Variants in COX7B2 observed in about 807,000 individuals in gnomAD.
COX7B2 encodes cytochrome c oxidase subunit 7B2.
For missense variants in COX7B2, 109 were observed against 95.9 expected (o/e 1.14, Z -0.57); for synonymous variants, 37 against 32.1 (o/e 1.15, Z -0.51).
Position 46,774,818 on chromosome 4 carries a change from G to A in COX7B2, c.-49-39577C>T, listed in dbSNP as rs376892811. ...GAATAACTGATCCTAGGGCTGATCT[G>A]GAATCCAAAAGGCAAACAATGTAAA... On this transcript the variant is annotated intron_variant, in intron 2 of 2. Transcript: ENST00000355591. Among the ~76,000 whole-genome samples the A allele has an allele frequency of 5.3e-5, 8 of 151,924 alleles. No homozygotes were observed. In the South Asian group the frequency reaches 1.2e-3, roughly 24 times the overall value.
chr4:46,833,729 G>GA (rs1715322670), intron 2 of COX7B2, among the ~76,000 whole-genome samples: 1 of 152,088 alleles, frequency 6.6e-6, no homozygotes, highest in African/African-American at 2.4e-5. Flanking sequence ...GAAACCATAT[G>GA]AAAAAGGATG....
chr4:46,878,073 G>A (rs1718456985), intron 1 of COX7B2, among the ~76,000 whole-genome samples: 1 of 151,196 alleles, frequency 6.6e-6, no homozygotes, highest in Non-Finnish European at 1.5e-5. Context: ...AAAAAAAAAG[G>A]TAATAACTGC....
intron 1 of COX7B2, among the ~76,000 whole-genome samples, chr4:46,879,036 C>T (rs190695494): frequency 2.6e-5 from 4 of 152,340 alleles, no homozygotes; most frequent in East Asian, 1.9e-4. Context: ...TTCTGACTGA[C>T]TCTCAACTTA....
chr4:46,801,033 A>G (rs1718627956), intron 2 of COX7B2, among the ~76,000 whole-genome samples: 1 of 152,154 alleles, frequency 6.6e-6, no homozygotes, highest in African/African-American at 2.4e-5. Context: ...CAAAACTCCA[A>G]TAAGATACCA....
At chr4:46,813,305 G>A (rs1487632950) in intron 2 of COX7B2, among the ~76,000 whole-genome samples, 1 of 152,160 alleles carries the variant, frequency 6.6e-6, no homozygotes, top group Admixed American at 6.5e-5. Context: ...TACTGCTGCA[G>A]TAAACATGGG....
intron 1 of COX7B2, among the ~76,000 whole-genome samples, chr4:46,899,059 A>G (rs977934626): frequency 6.6e-6 from 1 of 152,176 alleles, no homozygotes; most frequent in South Asian, 2.1e-4. Context: ...GTTTTTATCA[A>G]TTCCCATTGT....
chr4:46,746,382 G>C (rs923112254), intron 2 of COX7B2, among the ~76,000 whole-genome samples: 1 of 152,192 alleles, frequency 6.6e-6, no homozygotes, highest in Non-Finnish European at 1.5e-5. Flanking sequence ...GTGGCACAAA[G>C]ATCTAAGTGT....
intron 1 of COX7B2, among the ~76,000 whole-genome samples, chr4:46,890,432 T>C (rs1025452505): frequency 1.6e-4 from 25 of 152,204 alleles, no homozygotes; most frequent in Admixed American, 5.9e-4. Context: ...ACTGAGGGAC[T>C]ACTCAGTTCC....
At chr4:46,778,254 A>G (rs1178632372) in intron 2 of COX7B2, among the ~76,000 whole-genome samples, 1 of 152,150 alleles carries the variant, frequency 6.6e-6, no homozygotes, top group East Asian at 1.9e-4. Flanking sequence ...TTTTCCTATC[A>G]CTATAATTTC....
chr4:46,824,067 T>C (rs577013301), intron 2 of COX7B2, among the ~76,000 whole-genome samples: 1 of 152,222 alleles, frequency 6.6e-6, no homozygotes, highest in East Asian at 1.9e-4. Flanking sequence ...AATAAATACC[T>C]GAATAACCTT....
chr4:46,870,511 T>C (rs1171329162), intron 1 of COX7B2, among the ~76,000 whole-genome samples: 3 of 152,010 alleles, frequency 2.0e-5, no homozygotes, highest in African/African-American at 4.8e-5. Context: ...AGAAAGAAAG[T>C]GCATCCAAAT....
chr4:46,752,590 C>T (rs143542331), intron 2 of COX7B2, among the ~76,000 whole-genome samples: 1,526 of 152,138 alleles, frequency 0.01, 9 homozygotes, highest in Middle Eastern at 0.058. Flanking sequence ...TGAGATACAT[C>T]CTATCAATAC....
chr4:46,754,697 C>CGT lies in COX7B2; in HGVS notation c.-49-19458_-49-19457dup, dbSNP rs367614632. 7.2e-4 allele frequency among the ~76,000 whole-genome samples: 53 copies of CGT among 73,838 alleles called. 2 individuals are homozygous for CGT. The highest frequency in any genetic ancestry group is 8.8e-4 in the Non-Finnish European group (37 of 41,810). The allele number at this position is 73,838 out of a possible 152,430, so 48.4% of individuals were successfully genotyped here. On this transcript the variant is annotated intron_variant, in intron 2 of 2. Transcript: ENST00000355591. ...CTAGAACTTAAAGTACAATAAAATACGTGTGTGTGTGTGTGTGTGTGTGTG... is the reference window on the plus strand; with the variant it reads ...CTAGAACTTAAAGTACAATAAAATACGTGTGTGTGTGTGTGTGTGTGTGTGTG...
intron 1 of COX7B2, among the ~76,000 whole-genome samples, chr4:46,890,390 T>C (rs1308025160): frequency 3.3e-5 from 5 of 152,306 alleles, no homozygotes; most frequent in Admixed American, 1.3e-4. Context: ...AGAACACAAT[T>C]GATGCTTTAT....
chr4:46,858,982 C>G (rs549982838), intron 1 of COX7B2, among the ~76,000 whole-genome samples: 1 of 152,246 alleles, frequency 6.6e-6, no homozygotes, highest in South Asian at 2.1e-4. Context: ...CATCTTATAT[C>G]TGGCAAAGTC....
chr4:46,792,335 T>G (rs1005277113), intron 2 of COX7B2, among the ~76,000 whole-genome samples: 1 of 152,208 alleles, frequency 6.6e-6, no homozygotes, highest in Middle Eastern at 3.2e-3. Flanking sequence ...TAAATTTTAC[T>G]TCTGGGTTTG....
intron 2 of COX7B2, among the ~76,000 whole-genome samples, chr4:46,841,335 CTGTG>C (rs145768502): frequency 0.017 from 2,366 of 139,842 alleles, 33 homozygotes; most frequent in Middle Eastern, 0.054. Context: ...CAAATGTGCT[CTGTG>C]TGTGTGTGTG....
At chr4:46,810,625 T>C (rs777718894) in intron 2 of COX7B2, among the ~76,000 whole-genome samples, 2 of 152,136 alleles carry the variant, frequency 1.3e-5, no homozygotes, top group Non-Finnish European at 2.9e-5. Context: ...GCTTTAGTTA[T>C]TTTTGATGAT....
intron 2 of COX7B2, among the ~76,000 whole-genome samples, chr4:46,826,423 A>G (rs960392199): frequency 3.9e-5 from 6 of 152,156 alleles, no homozygotes; most frequent in Admixed American, 2.0e-4. Flanking sequence ...TGTTGGTGGG[A>G]GTGTAAATTA....
Sources: allele counts gnomAD v4.1 joint callset (sites outside exome capture counted in the v4.1 genomes callset), GRCh38; gene constraint gnomAD v4.1.1; transcripts MANE v1.5; gene names NCBI Gene and HGNC (gene_info 2026-07-23, HGNC 2026-07-21).